The following CSE1L variants were observed in gnomAD, a reference collection of about 807,000 sequenced individuals.
The protein encoded by CSE1L is exportin-2.
Under a neutral mutation model 120.4 loss-of-function variants are expected in CSE1L, and 24 were observed. The observed-to-expected ratio is 0.20, with a 90% CI of 0.14 to 0.28. CSE1L has a LOEUF of 0.28. Among genes scored for constraint, CSE1L ranks in the 10% least tolerant of loss-of-function variants. CSE1L has a pLI of 1.00. For synonymous variants in CSE1L, 402 were observed against 398.3 expected, an observed-to-expected ratio of 1.01 and a Z score of -0.11; for missense variants, 830 against 1,145.2, an observed-to-expected ratio of 0.72 and a Z score of 3.97.
At chr20:49,089,199 T>G in intron 17 of CSE1L, 48 bp from the exon 18 acceptor site, 1 of 1,434,124 alleles carries the variant, frequency 7.0e-7, no homozygotes, top group Non-Finnish European at 9.4e-7. Flanking sequence ...TTTATAAAGG[T>G]TAGGTGTGGA....
At chr20:49,093,809 CAG>C (rs760086511) in intron 22 of CSE1L, among the ~76,000 whole-genome samples, 22 of 151,528 alleles carry the variant, frequency 1.5e-4, no homozygotes, top group Non-Finnish European at 2.4e-4. Flanking sequence ...CCCACCTACT[CAG>C]GGGGCTGAGG....
At chr20:49,060,648 T>C (rs66501340) in intron 2 of CSE1L, among the ~76,000 whole-genome samples, 54,676 of 151,484 alleles carry the variant, frequency 0.36, 10,649 homozygotes, top group African/African-American at 0.53. Context: ...TGGTAGCATG[T>C]GCCTGTAACC....
chr20:49,061,616 C>T (rs1300450919), intron 2 of CSE1L, among the ~76,000 whole-genome samples: 6 of 151,674 alleles, frequency 4.0e-5, no homozygotes, highest in Admixed American at 4.0e-4. Context: ...CATTGTTGTG[C>T]CTCAGCCTCC....
intron 1 of CSE1L, among the ~76,000 whole-genome samples, chr20:49,052,826 A>G (rs1020801806): frequency 4.6e-5 from 7 of 152,154 alleles, no homozygotes; most frequent in African/African-American, 1.7e-4. Context: ...GGCTGAAGCA[A>G]TCCACCTGCC....
rs1265275920 is a variant in CSE1L at position 49,084,179 on chromosome 20, A to G, written c.1619+17A>G. The G allele has an allele frequency of 3.7e-6, 6 of 1,612,974 alleles. No individual in the cohort carries two copies. The highest frequency in any genetic ancestry group is 1.1e-5 in the South Asian group (1 of 90,976). The stretch of plus-strand genomic sequence containing the variant: ...TGCCACTCTGTGAGTATTTTATTCT[A>G]AAGTTTTTTAGCCTGGGGTAGGGGC... On this transcript the variant is annotated intron_variant, in intron 15 of 24. Coordinates refer to ENST00000262982, the MANE Select transcript of CSE1L (RefSeq NM_001316.4).
Position 49,078,064 on chromosome 20 carries a change from T to C in CSE1L, c.1421-497T>C, listed in dbSNP as rs142585418. On this transcript the variant is annotated intron_variant, in intron 13 of 24. Coordinates refer to ENST00000262982, the MANE Select transcript of CSE1L (RefSeq NM_001316.4). Reference sequence around the variant, plus strand: ...GAATGTATTGATCTAGATCCAGATATATTCCTTTTTAAAAAAAATATTTTA... The same window carrying C: ...GAATGTATTGATCTAGATCCAGATACATTCCTTTTTAAAAAAAATATTTTA... 1.4e-3 allele frequency among the ~76,000 whole-genome samples: 213 copies of C among 152,326 alleles called. 1 individual carries two copies. The highest frequency in any genetic ancestry group is 6.8e-3 in the Middle Eastern group (2 of 294).
chr20:49,054,149 T>G (rs2091789250), intron 1 of CSE1L, among the ~76,000 whole-genome samples: 1 of 152,108 alleles, frequency 6.6e-6, no homozygotes, highest in Non-Finnish European at 1.5e-5. Flanking sequence ...ACCTATAGAG[T>G]GGAACACCTG....
chr20:49,065,321 T>TTTTTTTA (rs2091883495), intron 3 of CSE1L, among the ~76,000 whole-genome samples: 1 of 111,462 alleles, frequency 9.0e-6, no homozygotes, highest in Non-Finnish European at 1.9e-5. Flanking sequence ...AAATTTTTTT[T>TTTTTTTA]TTTTTTTTTT....
chr20:49,070,628 GC>G (rs2091924948), intron 8 of CSE1L, among the ~76,000 whole-genome samples: 1 of 152,128 alleles, frequency 6.6e-6, no homozygotes, highest in African/African-American at 2.4e-5. Context: ...TATAATGGTA[GC>G]CCCTTTTTAA....
chr20:49,056,495 T>G (rs2091808282), intron 1 of CSE1L, among the ~76,000 whole-genome samples: 1 of 152,200 alleles, frequency 6.6e-6, no homozygotes, highest in African/African-American at 2.4e-5. Context: ...TTTATGTAGA[T>G]TATGCATGTG....
intron 2 of CSE1L, among the ~76,000 whole-genome samples, chr20:49,062,573 G>A (rs2091860684): frequency 6.6e-6 from 1 of 151,998 alleles, no homozygotes; most frequent in Non-Finnish European, 1.5e-5. Context: ...AAAGCTTAGG[G>A]CTGGTAAGGT....
intron 2 of CSE1L, among the ~76,000 whole-genome samples, chr20:49,060,745 C>A (rs1279913684): frequency 2.0e-5 from 3 of 150,944 alleles, no homozygotes; most frequent in African/African-American, 7.3e-5. Context: ...AACTGCACTC[C>A]AGCCTAGGTG....
chr20:49,095,342 T>A (rs992656967), intron 24 of CSE1L, among the ~76,000 whole-genome samples: 2 of 152,132 alleles, frequency 1.3e-5, no homozygotes, highest in Non-Finnish European at 2.9e-5. Flanking sequence ...TTATTTATTT[T>A]TTTAGACAGG....
intron 7 of CSE1L, 108 bp downstream of exon 7, chr20:49,068,930 A>G: frequency 5.0e-6 from 4 of 794,316 alleles, no homozygotes; most frequent in Non-Finnish European, 8.2e-6. Context: ...TTCTGAAAGA[A>G]AAGGTTTTTT....
intron 6 of CSE1L, 140 bp from the exon 7 acceptor site, chr20:49,068,575 G>C: frequency 1.7e-6 from 1 of 581,796 alleles, no homozygotes; most frequent in South Asian, 2.2e-5. Flanking sequence ...CTCCAGCCTG[G>C]ACGACAGAGC....
At position 49,049,370 on chromosome 20, in the gene CSE1L, G is replaced by C. The variant is rs149216577; in HGVS notation, c.-12+2947G>C. On this transcript the variant is annotated intron_variant, in intron 1 of 24. Coordinates refer to ENST00000262982, the MANE Select transcript of CSE1L (RefSeq NM_001316.4). ...AACTAATTTTTATTTTTTTTTTGTA[G>C]AGATGGCACCATGTTGCCCAGGTTG... 2.0e-3 allele frequency among the ~76,000 whole-genome samples: 303 copies of C among 151,326 alleles called. 1 individual carries two copies. The highest frequency in any genetic ancestry group is 7.0e-3 in the African/African-American group (288 of 41,110).
intron 1 of CSE1L, 40 bp downstream of exon 1, chr20:49,046,463 TG>T (rs1216114176): frequency 6.6e-6 from 1 of 152,242 alleles, no homozygotes; most frequent in African/African-American, 2.4e-5. Context: ...GAGTGGCTCT[TG>T]GGGCCCAGCT....
At chr20:49,046,768 GCT>G (rs1213346406) in intron 1 of CSE1L, among the ~76,000 whole-genome samples, 221 of 152,336 alleles carry the variant, frequency 1.5e-3, no homozygotes, top group Non-Finnish European at 2.5e-3. Flanking sequence ...CCGCCTCTCC[GCT>G]CGGGAAGGCC....
At chr20:49,054,906 C>A (rs2091794800) in intron 1 of CSE1L, among the ~76,000 whole-genome samples, 1 of 152,204 alleles carries the variant, frequency 6.6e-6, no homozygotes, top group South Asian at 2.1e-4. Flanking sequence ...TCCTACTTTG[C>A]CTATTCAGAT....
Sources: allele counts gnomAD v4.1 joint callset (sites outside exome capture counted in the v4.1 genomes callset), GRCh38; gene constraint gnomAD v4.1.1; transcripts MANE v1.5; gene names NCBI Gene and HGNC (gene_info 2026-07-23, HGNC 2026-07-21).